ZBTB41: variants seen among roughly 807,000 people sequenced by gnomAD.
ZBTB41 encodes the protein zinc finger and BTB domain-containing protein 41.
In ZBTB41, 42 loss-of-function variants were observed where a neutral mutation model predicts 87.6. The ratio of observed to expected loss-of-function variants is 0.48; its 90% CI spans 0.37 to 0.62. The LOEUF is 0.62. Ranked by LOEUF, ZBTB41 falls within the 20% of genes least tolerant of loss-of-function variation. ZBTB41 has a pLI of 0.00. For synonymous variants in ZBTB41, 364 were observed against 364.0 expected, an observed-to-expected ratio of 1.00 and a Z score of 0.00; for missense variants, 799 against 1,078.9, an observed-to-expected ratio of 0.74 and a Z score of 3.63.
chr1:197,191,543 G>A, intron 3 of ZBTB41, 149 bp downstream of exon 3: 6 of 535,600 alleles, frequency 1.1e-5, no homozygotes, highest in Non-Finnish European at 1.7e-5. Flanking sequence ...CAAAACCCAA[G>A]AAAGAAAACA....
chr1:197,189,615 T>A (rs1659975684), intron 4 of ZBTB41, among the ~76,000 whole-genome samples: 1 of 152,210 alleles, frequency 6.6e-6, no homozygotes, highest in Admixed American at 6.5e-5. Flanking sequence ...GTACTCCTCC[T>A]GTTAAAAAAT....
intron 6 of ZBTB41, 135 bp from the exon 7 acceptor site, chr1:197,178,647 G>T: frequency 1.8e-6 from 1 of 567,858 alleles, no homozygotes; most frequent in Non-Finnish European, 2.8e-6. Flanking sequence ...CAATAATTTT[G>T]TTCTTTTCTA....
At chr1:197,166,945 G>A (rs1659359937) in intron 10 of ZBTB41, among the ~76,000 whole-genome samples, 1 of 151,996 alleles carries the variant, frequency 6.6e-6, no homozygotes, top group African/African-American at 2.4e-5. Context: ...CACTAATGAG[G>A]AAATGATGCC....
In ZBTB41 at chr1:197,200,332, G is replaced by T; in HGVS notation, c.142C>A (p.Leu48Ile). ...HSAGRPTPEA[L>I]HCYQELPPSP... ...GGAGGAAGTTCCTGGTAACAGTGAA[G>T]AGCTTCAGGAGTTGGTCTTCCTGCA... The change falls in exon 2 of 11, where the codon CTT (leucine) becomes ATT (isoleucine). Residue 48 changes from leucine (L) to isoleucine (I), a missense_variant. By Grantham distance (5) the Leu-to-Ile change is conservative. This residue lies in a region of ZBTB41 where 77 missense variants were observed against 68.4 expected (regional missense o/e 1.13). Transcript: ENST00000367405. The T allele has an allele frequency of 6.2e-7, 1 of 1,614,210 alleles. No individual in the cohort carries two copies. Among genetic ancestry groups the T allele is most frequent in the South Asian group, 1.1e-5 (1 of 91,078 alleles).
At chr1:197,176,111 G>T (rs1659600256) in intron 8 of ZBTB41, 1 of 155,988 alleles carries the variant, frequency 6.4e-6, no homozygotes, top group Non-Finnish European at 1.4e-5. Flanking sequence ...CTTCTCCAAA[G>T]ACAGGGTTTC....
At chr1:197,199,264 T>A in intron 2 of ZBTB41, 90 bp downstream of exon 2, 1 of 1,289,790 alleles carries the variant, frequency 7.8e-7, no homozygotes, top group South Asian at 2.0e-5. Context: ...TTTTAGAAGT[T>A]ACTTTCCAAG....
Position 197,199,355 on chromosome 1 carries a change from T to A in ZBTB41, c.1119A>T (p.Ile373=), listed in dbSNP as rs371859979. The part of the protein sequence containing the change: ...CPKCDKTFDR[I]GKYESHTRVH... ...AGAAAACCAGTTTTCTTTTCTTACC[T>A]ATTCGGTCAAATGTTTTATCACATT... The change falls in exon 2 of 11, where the codon ATA becomes ATT. Residue 373 remains isoleucine (I), a splice_region_variant and synonymous_variant. Coordinates refer to ENST00000367405, the MANE Select transcript of ZBTB41 (RefSeq NM_194314.3). 5.3e-6 allele frequency: 8 copies of A among 1,501,174 alleles called. No individual in the cohort carries two copies. The highest frequency in any genetic ancestry group is 5.1e-5 in the Admixed American group (2 of 39,602). 93.0% of individuals were successfully genotyped at this position (1,501,174 alleles called of 1,614,324 possible). A position where few individuals can be genotyped will look rare whatever the true frequency, so the allele number is the denominator to read the frequency against.
chr1:197,165,044 A>G (rs1405024185), intron 10 of ZBTB41, among the ~76,000 whole-genome samples: 1 of 147,620 alleles, frequency 6.8e-6, no homozygotes, highest in Non-Finnish European at 1.5e-5. Flanking sequence ...ACAATTTACA[A>G]TCATGGTTAC....
chr1:197,189,525 CAA>C (rs768719439), intron 4 of ZBTB41, among the ~76,000 whole-genome samples: 1 of 90,012 alleles, frequency 1.1e-5, no homozygotes. Context: ...GACTCCGTCT[CAA>C]AAAAAAAAAA....
rs1430282648 is a variant in ZBTB41 at position 197,155,671 on chromosome 1, G to A, written c.*3688C>T. 6.6e-6 allele frequency: 1 copy of A among 152,310 alleles called. No individual in the cohort carries two copies. Among genetic ancestry groups the A allele is most frequent in the Non-Finnish European group, 1.5e-5 (1 of 67,798 alleles). 9.4% of individuals were successfully genotyped at this position (152,310 alleles called of 1,614,324 possible). On this transcript the variant is annotated 3_prime_UTR_variant, in exon 11 of 11. Coordinates refer to ENST00000367405, the MANE Select transcript of ZBTB41 (RefSeq NM_194314.3). ...ATTAACCCTTAATTAGCAGTTTAGA[G>A]TCACCCTACAAAGATGCTTTGACAC...
In ZBTB41 at chr1:197,199,355, T is replaced by C. The variant is rs371859979; in HGVS notation, c.1119A>G (p.Ile373Met). Reference protein sequence around the residue: ...CPKCDKTFDRIGKYESHTRVH... With the variant: ...CPKCDKTFDRMGKYESHTRVH... Reference sequence around the variant, plus strand: ...AGAAAACCAGTTTTCTTTTCTTACCTATTCGGTCAAATGTTTTATCACATT... The same window carrying C: ...AGAAAACCAGTTTTCTTTTCTTACCCATTCGGTCAAATGTTTTATCACATT... The change falls in exon 2 of 11, where the codon ATA (isoleucine) becomes ATG (methionine). Residue 373 changes from isoleucine to methionine, a missense_variant and splice_region_variant. Around this residue, in one of 5 missense-constraint regions of ZBTB41, gnomAD observed 294 missense variants for 340.1 expected, o/e 0.86. Transcript: ENST00000367405. 1.3e-6 allele frequency: 2 copies of C among 1,501,174 alleles called. No homozygotes were observed. Among genetic ancestry groups the C allele is most frequent in the Non-Finnish European group, 1.8e-6 (2 of 1,131,528 alleles). 93.0% of individuals were successfully genotyped at this position (1,501,174 alleles called of 1,614,324 possible). A position where few individuals can be genotyped will look rare whatever the true frequency, so the allele number is the denominator to read the frequency against.
chr1:197,155,579 A>C lies in ZBTB41; in HGVS notation c.*3780T>G, dbSNP rs1007613636. On this transcript the variant is annotated 3_prime_UTR_variant, in exon 11 of 11. Coordinates refer to ENST00000367405, the MANE Select transcript of ZBTB41 (RefSeq NM_194314.3). The stretch of plus-strand genomic sequence containing the variant: ...AGGAAGAAAACTCAAGCTTATAAAC[A>C]TATTAGTTTAACTGTGTTTTTAATT... The C allele has an allele frequency of 6.6e-6, 1 of 152,186 alleles. No homozygotes were observed. The highest frequency in any genetic ancestry group is 1.9e-4 in the East Asian group (1 of 5,196). The allele number at this position is 152,186 out of a possible 1,614,324, so 9.4% of individuals were successfully genotyped here.
At chr1:197,177,731 G>A (rs890880877) in intron 7 of ZBTB41, among the ~76,000 whole-genome samples, 2 of 151,960 alleles carry the variant, frequency 1.3e-5, no homozygotes, top group African/African-American at 4.8e-5. Flanking sequence ...ATATTCTAAT[G>A]AAAGGAATAG....
intron 6 of ZBTB41, among the ~76,000 whole-genome samples, chr1:197,180,094 A>G (rs1248215222): frequency 6.6e-6 from 1 of 152,088 alleles, no homozygotes; most frequent in East Asian, 1.9e-4. Flanking sequence ...ATGATCGGTA[A>G]CCTACACAAA....
At chr1:197,172,858 G>C (rs4520444) in intron 9 of ZBTB41, among the ~76,000 whole-genome samples, 1 of 151,862 alleles carries the variant, frequency 6.6e-6, no homozygotes, top group Non-Finnish European at 1.5e-5. Context: ...ATCAGTTCAT[G>C]TCCTAACAAA....
chr1:197,169,019 C>T (rs556455521), intron 10 of ZBTB41, among the ~76,000 whole-genome samples: 39 of 151,692 alleles, frequency 2.6e-4, no homozygotes, highest in African/African-American at 8.0e-4. Flanking sequence ...AGGTGCAAAT[C>T]GAAGCCATTC....
At chr1:197,198,440 G>A (rs551485798) in intron 2 of ZBTB41, among the ~76,000 whole-genome samples, 3 of 152,142 alleles carry the variant, frequency 2.0e-5, no homozygotes, top group African/African-American at 7.2e-5. Flanking sequence ...AGACATATGG[G>A]GATATATTAA....
At chr1:197,198,053 G>A (rs1003006103) in intron 2 of ZBTB41, among the ~76,000 whole-genome samples, 2 of 152,160 alleles carry the variant, frequency 1.3e-5, no homozygotes, top group Admixed American at 1.3e-4. Flanking sequence ...ATGTTCTCAG[G>A]TACTTCAACC....
intron 7 of ZBTB41, among the ~76,000 whole-genome samples, chr1:197,177,842 T>A (rs1319285181): frequency 6.6e-6 from 1 of 152,088 alleles, no homozygotes; most frequent in East Asian, 1.9e-4. Flanking sequence ...TAAAGCAAGA[T>A]AAATAATAAA....
Sources: gnomAD v4.1 joint callset for allele counts (sites outside exome capture counted in the v4.1 genomes callset) on GRCh38, gnomAD v4.1.1 for gene constraint, gnomAD v4.1.1 regional missense constraint, MANE v1.5 for transcripts, NCBI Gene and HGNC (gene_info 2026-07-23, HGNC 2026-07-21) for gene names.